Variants in SPTBN1 observed in about 807,000 individuals in gnomAD.
SPTBN1 encodes the protein spectrin beta chain, non-erythrocytic 1.
SPTBN1 carries 32 observed loss-of-function variants against 266.4 expected under a neutral mutation model. The ratio of observed to expected loss-of-function variants is 0.12; its 90% CI spans 0.09 to 0.16. The LOEUF is 0.16. SPTBN1 is among the 10% of genes least tolerant of loss of function. SPTBN1 has a pLI of 1.00. For missense variants in SPTBN1, 2,296 were observed against 3,067.1 expected (o/e 0.75, Z 5.94); for synonymous variants, 1,336 against 1,162.2 (o/e 1.15, Z -3.04).
chr2:54,493,978 T>G (rs1189535283), intron 1 of SPTBN1, among the ~76,000 whole-genome samples: 6 of 152,300 alleles, frequency 3.9e-5, no homozygotes, highest in Admixed American at 3.9e-4. Flanking sequence ...AGGGTCCTCC[T>G]TCAACACTTG....
At chr2:54,607,750 T>G (rs1676944145) in intron 3 of SPTBN1, among the ~76,000 whole-genome samples, 1 of 152,310 alleles carries the variant, frequency 6.6e-6, no homozygotes, top group South Asian at 2.1e-4. Flanking sequence ...CTGGAATCAA[T>G]CCCCTGTGGA....
At chr2:54,495,097 C>G (rs976175868) in intron 1 of SPTBN1, among the ~76,000 whole-genome samples, 1 of 151,896 alleles carries the variant, frequency 6.6e-6, no homozygotes, top group Non-Finnish European at 1.5e-5. Context: ...ATGAAGACCC[C>G]CTGGAGGAGG....
intron 32 of SPTBN1, chr2:54,660,251 T>G (rs567942660): frequency 1.7e-5 from 23 of 1,358,764 alleles, no homozygotes; most frequent in Non-Finnish European, 2.2e-5. Flanking sequence ...AACTGATGGA[T>G]GCCCACTTGC....
chr2:54,457,135 T>G (rs1452686074), intron 1 of SPTBN1: 5 of 122,562 alleles, frequency 4.1e-5, no homozygotes, highest in Admixed American at 7.8e-5. Context: ...TCCCTGCGCT[T>G]GCTACCCTCG....
chr2:54,647,018 T>G, intron 23 of SPTBN1, 113 bp from the exon 24 acceptor site: 2 of 1,516,810 alleles, frequency 1.3e-6, no homozygotes, highest in Non-Finnish European at 1.8e-6. Context: ...ACCTCTGGAG[T>G]TTTTCTTTCT....
chr2:54,667,784 C>T, intron 35 of SPTBN1, 138 bp downstream of exon 35: 1 of 748,590 alleles, frequency 1.3e-6, no homozygotes, highest in Non-Finnish European at 2.3e-6. Flanking sequence ...GTCACCAGCA[C>T]TAGAAGGTGT....
In SPTBN1 at chr2:54,629,732, C is replaced by G. The variant is rs201598698; in HGVS notation, c.2598C>G (p.Asp866Glu). 6.2e-7 allele frequency: 1 copy of G among 1,612,256 alleles called. No individual in the cohort carries two copies. Among genetic ancestry groups the G allele is most frequent in the South Asian group, 1.1e-5 (1 of 91,078 alleles). ...SEADACELWIDEKEQWLNNMQ... is the reference protein window; with the variant it reads ...SEADACELWIEEKEQWLNNMQ... ...CTGATGCCTGTGAGCTCTGGATCGA[C>G]GAGAAGGAGCAGTGGCTCAACAACA... The change falls in exon 14 of 36, where the codon GAC becomes GAG. Residue 866 changes from aspartate (D) to glutamate (E), a missense_variant. Physicochemically the swap from Asp to Glu is conservative, Grantham distance 45 (BLOSUM62 2). This residue lies in a region of SPTBN1 where 434 missense variants were observed against 573.9 expected (regional missense o/e 0.76). Coordinates refer to ENST00000356805, the MANE Select transcript of SPTBN1 (RefSeq NM_003128.3).
At chr2:54,529,235 C>T (rs542261860) in intron 2 of SPTBN1, 6 of 371,024 alleles carry the variant, frequency 1.6e-5, no homozygotes, top group African/African-American at 1.3e-4. Context: ...CAGTCCCCTT[C>T]CTTCGGTGTT....
chr2:54,638,012 A>G (rs1243257059), intron 18 of SPTBN1, among the ~76,000 whole-genome samples: 1 of 152,234 alleles, frequency 6.6e-6, no homozygotes. Flanking sequence ...CTAGACTATT[A>G]TATTAATAGT....
At chr2:54,492,729 A>G (rs1450725471) in intron 1 of SPTBN1, among the ~76,000 whole-genome samples, 1 of 152,208 alleles carries the variant, frequency 6.6e-6, no homozygotes, top group Non-Finnish European at 1.5e-5. Context: ...CCCCAGCCTG[A>G]TGTAGAAATG....
chr2:54,626,767 A>G lies in SPTBN1; in HGVS notation c.1644+533A>G, dbSNP rs183465602. 5.9e-5 allele frequency among the ~76,000 whole-genome samples: 9 copies of G among 152,300 alleles called. No homozygotes were observed. The East Asian group carries it at 1.2e-3, about 20-fold the overall frequency. ...TTGTACTTACTATCTACCTCATCCA[A>G]TTATTGCAAGGATGGAATGCGGTAG... On this transcript the variant is annotated intron_variant, in intron 12 of 35. Coordinates refer to ENST00000356805, the MANE Select transcript of SPTBN1 (RefSeq NM_003128.3). This position sits in a 1 kb window ranked among gnomAD's most constrained non-coding sequence, Gnocchi z 4.7.
intron 2 of SPTBN1, among the ~76,000 whole-genome samples, chr2:54,571,568 CACACACAT>C (rs1283364550): frequency 0.017 from 877 of 52,184 alleles, 9 homozygotes; most frequent in African/African-American, 0.057. Flanking sequence ...CACACACACA[CACACACAT>C]ACACACACAC....
At chr2:54,530,603 C>T (rs1044364536) in intron 2 of SPTBN1, among the ~76,000 whole-genome samples, 6 of 151,978 alleles carry the variant, frequency 3.9e-5, no homozygotes, top group South Asian at 2.1e-4. Flanking sequence ...ATGATCTGCC[C>T]GCCTCGGCCT....
chr2:54,621,272 C>T, intron 7 of SPTBN1, 128 bp from the exon 8 acceptor site: 3 of 578,330 alleles, frequency 5.2e-6, no homozygotes, highest in Non-Finnish European at 6.3e-6. Flanking sequence ...GATGGCAGAA[C>T]ACTCAGGTAC....
At chr2:54,605,307 G>A (rs910546170) in intron 3 of SPTBN1, among the ~76,000 whole-genome samples, 1 of 152,190 alleles carries the variant, frequency 6.6e-6, no homozygotes, top group Admixed American at 6.5e-5. Flanking sequence ...CCTCTTCCCT[G>A]TATTCTGGGT....
intron 2 of SPTBN1, among the ~76,000 whole-genome samples, chr2:54,577,981 C>T (rs1674604543): frequency 6.6e-6 from 1 of 152,184 alleles, no homozygotes; most frequent in Non-Finnish European, 1.5e-5. Flanking sequence ...TGGTGAATGC[C>T]ATGTAAAATT....
At chr2:54,620,692 A>G (rs748016087) in intron 7 of SPTBN1, among the ~76,000 whole-genome samples, 3 of 152,234 alleles carry the variant, frequency 2.0e-5, no homozygotes, top group East Asian at 3.8e-4. Flanking sequence ...GTAGTAGGCT[A>G]TAGAATTTAG....
intron 1 of SPTBN1, among the ~76,000 whole-genome samples, chr2:54,486,430 T>A (rs1573249045): frequency 6.6e-6 from 1 of 152,190 alleles, no homozygotes; most frequent in Admixed American, 6.5e-5. Flanking sequence ...CCCCCAACCC[T>A]GTGCTCTCTG....
Position 54,653,923 on chromosome 2 carries a change from G to A in SPTBN1, c.5822+70G>A. ...TTAAAACACAGGAGTCTTCCAGAGA[G>A]AAGCAGGAGCCTTGAAAGCGTTCCT... On this transcript the variant is annotated intron_variant, in intron 27 of 35. Coordinates refer to ENST00000356805, the MANE Select transcript of SPTBN1 (RefSeq NM_003128.3). The surrounding 1 kb of genome is among the most constrained non-coding windows in gnomAD (Gnocchi z 5.1). 1.3e-6 allele frequency: 2 copies of A among 1,572,064 alleles called. No homozygotes were observed. Among genetic ancestry groups the A allele is most frequent in the Non-Finnish European group, 1.7e-6 (2 of 1,166,796 alleles).
Sources: gnomAD v4.1 joint callset for allele counts (sites outside exome capture counted in the v4.1 genomes callset) on GRCh38, gnomAD v4.1.1 for gene constraint, gnomAD v4.1.1 regional missense constraint, Gnocchi (gnomAD v3.1) non-coding constraint, MANE v1.5 for transcripts, NCBI Gene and HGNC (gene_info 2026-07-23, HGNC 2026-07-21) for gene names.